Variants in CCDC38 observed in about 807,000 individuals in gnomAD.
CCDC38 encodes the protein coiled-coil domain-containing protein 38.
A neutral mutation model predicts 72.8 loss-of-function variants in CCDC38; 69 were observed. That is an observed-to-expected ratio of 0.95 (90% CI 0.78 to 1.16). The LOEUF (loss-of-function observed/expected upper bound fraction) is 1.16. Ranked by LOEUF, CCDC38 falls within the 50% of genes most tolerant of loss-of-function variation. CCDC38 has a pLI of 0.00. For synonymous variants in CCDC38, 201 were observed against 213.2 expected, an observed-to-expected ratio of 0.94 and a Z score of 0.50; for missense variants, 626 against 638.9, an observed-to-expected ratio of 0.98 and a Z score of 0.22.
rs1191955457 is a variant in CCDC38 at position 95,936,499 on chromosome 12, T to C, written c.11A>G (p.Asn4Ser). ...TCCAGAATTCAGTGTTGGCAATAAA[T>C]TTGAGGACATTTTCTTGCCTGGCCC... Reference protein sequence around the residue: MSSNLLPTLNSGGK... With the variant: MSSSLLPTLNSGGK... Residue 4 changes from asparagine (N) to serine (S), a missense_variant, in exon 2 of 16, where the codon AAT (asparagine) becomes AGT (serine). By Grantham distance (46) the Asn-to-Ser change is conservative. Coordinates refer to ENST00000344280, the MANE Select transcript of CCDC38 (RefSeq NM_182496.3). 4 of 1,611,912 alleles carry C rather than the reference T, an allele frequency of 2.5e-6. No individual in the cohort carries two copies. The highest frequency in any genetic ancestry group is 3.4e-6 in the Non-Finnish European group (4 of 1,179,692).
Position 95,917,129 on chromosome 12 carries a change from C to A in CCDC38, c.304G>T (p.Gly102Cys). The A allele has an allele frequency of 6.4e-7, 1 of 1,571,594 alleles. No homozygotes were observed. The highest frequency in any genetic ancestry group is 8.6e-7 in the Non-Finnish European group (1 of 1,168,732). Residue 102 changes from glycine to cysteine, a missense_variant and splice_region_variant, in exon 4 of 16, where the codon GGT becomes TGT. By Grantham distance (159) the Gly-to-Cys change is radical (BLOSUM62 -3). Transcript: ENST00000344280. ...GPAPIPRLIEGSDTKRTVHEF... is the reference protein window; with the variant it reads ...GPAPIPRLIECSDTKRTVHEF... ...TTCTTAAAGAGTAATTTAGACTCAC[C>A]TTCTATTAATCTAGGAATCGGAGCA... is the stretch of plus-strand genomic sequence containing the variant.
chr12:95,893,873 CA>C (rs1565950150), intron 8 of CCDC38, among the ~76,000 whole-genome samples: 1 of 151,334 alleles, frequency 6.6e-6, no homozygotes, highest in East Asian at 1.9e-4. Context: ...AAGTAAATAA[CA>C]TATATATATA....
At chr12:95,880,903 TA>T (rs2079692732) in intron 11 of CCDC38, among the ~76,000 whole-genome samples, 1 of 152,222 alleles carries the variant, frequency 6.6e-6, no homozygotes, top group Non-Finnish European at 1.5e-5. Context: ...CAGAAAGTTC[TA>T]GAGATCTATT....
At chr12:95,880,422 G>T (rs1204679413) in intron 11 of CCDC38, among the ~76,000 whole-genome samples, 1 of 152,256 alleles carries the variant, frequency 6.6e-6, no homozygotes, top group African/African-American at 2.4e-5. Flanking sequence ...TTGGGAGGCC[G>T]AGGTGGGTGG....
At chr12:95,936,858 T>TA (rs1302764716) in intron 1 of CCDC38, among the ~76,000 whole-genome samples, 5 of 152,204 alleles carry the variant, frequency 3.3e-5, no homozygotes, top group Admixed American at 6.5e-5. Flanking sequence ...TGGTATTGGT[T>TA]AAAAAACAAA....
chr12:95,869,675 TTAAAGG>T (rs142067399), intron 14 of CCDC38, 102 bp from the exon 15 acceptor site: 121,898 of 792,278 alleles, frequency 0.15, 10,881 homozygotes, highest in Non-Finnish European at 0.18. Flanking sequence ...AAGACCTCCT[TTAAAGG>T]TAAATGAAAA....
At chr12:95,905,016 C>A (rs924702868) in intron 5 of CCDC38, among the ~76,000 whole-genome samples, 1 of 152,106 alleles carries the variant, frequency 6.6e-6, no homozygotes, top group Non-Finnish European at 1.5e-5. Context: ...ATGCTCAAGT[C>A]GCTTATGTAA....
At chr12:95,910,968 A>T (rs535926500) in intron 4 of CCDC38, among the ~76,000 whole-genome samples, 2 of 152,366 alleles carry the variant, frequency 1.3e-5, no homozygotes, top group East Asian at 3.9e-4. Context: ...AGTTGGACTC[A>T]TCATATTACC....
At chr12:95,903,338 G>T in intron 5 of CCDC38, 1 of 660,544 alleles carries the variant, frequency 1.5e-6, no homozygotes, top group Non-Finnish European at 2.7e-6. Flanking sequence ...TGTAAATAAA[G>T]ACAGCTTTAA....
chr12:95,914,175 A>G (rs2080121723), intron 4 of CCDC38, among the ~76,000 whole-genome samples: 1 of 152,096 alleles, frequency 6.6e-6, no homozygotes, highest in South Asian at 2.1e-4. Flanking sequence ...AATACAAAAA[A>G]TTAGCCAGGT....
intron 4 of CCDC38, among the ~76,000 whole-genome samples, chr12:95,915,770 A>G (rs1250558493): frequency 6.6e-6 from 1 of 152,210 alleles, no homozygotes; most frequent in Non-Finnish European, 1.5e-5. Context: ...TCTGGTTTCC[A>G]TTGCTGACAG....
chr12:95,908,790 C>G (rs1414229136), intron 4 of CCDC38, among the ~76,000 whole-genome samples: 1 of 151,542 alleles, frequency 6.6e-6, no homozygotes, highest in Non-Finnish European at 1.5e-5. Context: ...CTACACATAC[C>G]AAAGCTCTTA....
upstream of CCDC38, chr12:95,943,224 A>T: frequency 1.6e-6 from 1 of 637,694 alleles, no homozygotes; most frequent in Non-Finnish European, 2.5e-6. Flanking sequence ...TGCAATGATT[A>T]CCGCCCCCGT....
intron 2 of CCDC38, among the ~76,000 whole-genome samples, chr12:95,929,097 C>A (rs1179885996): frequency 6.6e-6 from 1 of 152,210 alleles, no homozygotes; most frequent in Non-Finnish European, 1.5e-5. Context: ...GCTTTGTTTA[C>A]CTAAGCAAGC....
intron 1 of CCDC38, among the ~76,000 whole-genome samples, chr12:95,941,820 T>C (rs2080454097): frequency 6.6e-6 from 1 of 152,112 alleles, no homozygotes; most frequent in Non-Finnish European, 1.5e-5. Flanking sequence ...CTGTTTGTGA[T>C]TGTGTATATG....
intron 5 of CCDC38, among the ~76,000 whole-genome samples, chr12:95,902,981 C>T (rs2079965364): frequency 6.6e-6 from 1 of 151,980 alleles, no homozygotes; most frequent in Non-Finnish European, 1.5e-5. Flanking sequence ...ATCTATAAAC[C>T]AATCTGGAAA....
chr12:95,908,919 T>C (rs76819455), intron 4 of CCDC38, among the ~76,000 whole-genome samples: 81 of 152,224 alleles, frequency 5.3e-4, no homozygotes, highest in African/African-American at 1.9e-3. Flanking sequence ...TTTTTCATTC[T>C]GGAAATTTAT....
intron 10 of CCDC38, among the ~76,000 whole-genome samples, chr12:95,883,643 C>T (rs1026728034): frequency 1.3e-5 from 2 of 152,222 alleles, no homozygotes; most frequent in African/African-American, 4.8e-5. Flanking sequence ...GCCTGTGGCA[C>T]TCTGGGCTTA....
rs2080463405 is a variant in CCDC38 at position 95,942,474 on chromosome 12, G to C, written c.-58C>G. 6.6e-6 allele frequency: 1 copy of C among 152,248 alleles called. No individual in the cohort carries two copies. Among genetic ancestry groups the C allele is most frequent in the African/African-American group, 2.4e-5 (1 of 41,450 alleles). 9.4% of individuals were successfully genotyped at this position (152,248 alleles called of 1,614,324 possible). Reference sequence around the variant, plus strand: ...AGGAGCCTTTCCAACCTATCGTTCGGGAAGGCGTTGTGGGAAAAGTGGGCG... The same window carrying C: ...AGGAGCCTTTCCAACCTATCGTTCGCGAAGGCGTTGTGGGAAAAGTGGGCG... On this transcript the variant is annotated 5_prime_UTR_variant, in exon 1 of 16. Transcript: ENST00000344280.
Sources: gnomAD v4.1 joint callset for allele counts (sites outside exome capture counted in the v4.1 genomes callset) on GRCh38, gnomAD v4.1.1 for gene constraint, MANE v1.5 for transcripts, NCBI Gene and HGNC (gene_info 2026-07-23, HGNC 2026-07-21) for gene names.